CDH18: variants seen among roughly 807,000 people sequenced by gnomAD.
CDH18 encodes cadherin 18.
A neutral mutation model predicts 67.9 loss-of-function variants in CDH18; 31 were observed. The observed-to-expected ratio is 0.46, with a 90% confidence interval of 0.34 to 0.62. The LOEUF (loss-of-function observed/expected upper bound fraction) is 0.62. CDH18 is among the 20% of genes least tolerant of loss of function. The pLI, the probability that CDH18 is intolerant of heterozygous loss-of-function variation, is 0.01. For missense variants in CDH18, 890 were observed against 975.5 expected (o/e 0.91, Z 1.17); for synonymous variants, 362 against 347.2 (o/e 1.04, Z -0.48).
intron 2 of CDH18, among the ~76,000 whole-genome samples, chr5:19,914,760 CTATTTACCA>C (rs756035830): frequency 7.2e-5 from 11 of 151,978 alleles, no homozygotes; most frequent in Non-Finnish European, 1.3e-4. Flanking sequence ...GAATCAATCA[CTATTTACCA>C]AAGGAAACAA....
At chr5:19,796,160 A>C (rs1776829647) in intron 3 of CDH18, among the ~76,000 whole-genome samples, 1 of 152,130 alleles carries the variant, frequency 6.6e-6, no homozygotes, top group Admixed American at 6.6e-5. Context: ...AATTTTAAAG[A>C]TATAATGACT....
intron 2 of CDH18, among the ~76,000 whole-genome samples, chr5:19,922,559 T>C (rs1208135417): frequency 1.3e-5 from 2 of 152,196 alleles, no homozygotes; most frequent in Admixed American, 6.5e-5. Context: ...CCAAACCTCC[T>C]TTCTCTATCT....
chr5:19,582,862 G>A (rs1005214873), intron 7 of CDH18, among the ~76,000 whole-genome samples: 3 of 150,914 alleles, frequency 2.0e-5, no homozygotes, highest in African/African-American at 7.3e-5. Context: ...GCAAGTCAAA[G>A]GAATGACAAT....
At chr5:20,095,074 A>T (rs2150566351) in intron 2 of CDH18, among the ~76,000 whole-genome samples, 1 of 152,024 alleles carries the variant, frequency 6.6e-6, no homozygotes, top group East Asian at 2.0e-4. Flanking sequence ...CAAACACCAC[A>T]TGTTCTCACT....
intron 12 of CDH18, among the ~76,000 whole-genome samples, chr5:19,479,454 C>T (rs1416723891): frequency 6.6e-6 from 1 of 152,098 alleles, no homozygotes; most frequent in Non-Finnish European, 1.5e-5. Context: ...TCCTGTATCC[C>T]TTGGCTAGAT....
intron 1 of CDH18, among the ~76,000 whole-genome samples, chr5:20,368,011 T>G (rs537957446): frequency 6.6e-6 from 1 of 152,282 alleles, no homozygotes; most frequent in East Asian, 1.9e-4. Context: ...AGGTACTTTT[T>G]ATATTGGTCC....
intron 2 of CDH18, among the ~76,000 whole-genome samples, chr5:20,230,551 A>C (rs536202650): frequency 6.6e-6 from 1 of 152,282 alleles, no homozygotes; most frequent in South Asian, 2.1e-4. Context: ...GACCATCTTG[A>C]TAACTCAGTA....
chr5:19,617,769 C>T (rs1750062777), intron 5 of CDH18, among the ~76,000 whole-genome samples: 1 of 152,148 alleles, frequency 6.6e-6, no homozygotes, highest in Admixed American at 6.6e-5. Context: ...CTGCAAATTA[C>T]CTCTGACTAC....
chr5:19,822,822 A>G (rs1281376999), intron 3 of CDH18, among the ~76,000 whole-genome samples: 8 of 152,130 alleles, frequency 5.3e-5, no homozygotes, highest in African/African-American at 1.9e-4. Context: ...GAGAGGAGGC[A>G]ACTGGTCTGA....
At chr5:19,905,623 A>G (rs886166461) in intron 2 of CDH18, among the ~76,000 whole-genome samples, 1 of 152,020 alleles carries the variant, frequency 6.6e-6, no homozygotes, top group Non-Finnish European at 1.5e-5. Context: ...AAATATGATG[A>G]TAATATTATT....
intron 1 of CDH18, among the ~76,000 whole-genome samples, chr5:20,341,402 G>C (rs1189484146): frequency 6.6e-6 from 1 of 152,042 alleles, no homozygotes; most frequent in Non-Finnish European, 1.5e-5. Context: ...AAGTTCTTCA[G>C]TTTTAGGACT....
chr5:20,166,672 T>C (rs10473324), intron 2 of CDH18, among the ~76,000 whole-genome samples: 88,718 of 151,774 alleles, frequency 0.58, 25,998 homozygotes, highest in Middle Eastern at 0.7. Flanking sequence ...TTAAAAAGCT[T>C]CTTAGTAGCA....
intron 1 of CDH18, among the ~76,000 whole-genome samples, chr5:20,366,352 T>C (rs1742515693): frequency 6.6e-6 from 1 of 152,210 alleles, no homozygotes; most frequent in African/African-American, 2.4e-5. Context: ...TTGAGTCTGT[T>C]CATTTTTTCC....
chr5:19,811,160 AG>A (rs1561352001), intron 3 of CDH18, among the ~76,000 whole-genome samples: 1 of 12,846 alleles, frequency 7.8e-5, no homozygotes, highest in Non-Finnish European at 1.5e-4. Flanking sequence ...GAAAGAAAGA[AG>A]GAGAGAAAGA....
chr5:19,839,187 G>A lies in CDH18; in HGVS notation c.-201C>T, dbSNP rs763032415. The A allele has an allele frequency of 3.9e-5, 21 of 537,252 alleles. No individual in the cohort carries two copies. The highest frequency in any genetic ancestry group is 1.8e-4 in the East Asian group (6 of 33,536). 33.3% of individuals were successfully genotyped at this position (537,252 alleles called of 1,614,324 possible). ...CTGAACCACTTGGAAAATCAAAGCCGTAGTTGTCTGATTCCAACTCTTCAC... is the reference window on the plus strand; with the variant it reads ...CTGAACCACTTGGAAAATCAAAGCCATAGTTGTCTGATTCCAACTCTTCAC... On this transcript the variant is annotated 5_prime_UTR_variant, in exon 3 of 13. In the 5' UTR this introduces an upstream ATG that the reference lacks. Transcript: ENST00000382275.
intron 5 of CDH18, among the ~76,000 whole-genome samples, chr5:19,709,007 A>AATAT (rs1334584657): frequency 2.3e-5 from 1 of 44,158 alleles, no homozygotes; most frequent in Admixed American, 2.5e-4. Flanking sequence ...GACTCTGTTA[A>AATAT]ATAAATAAAT....
intron 2 of CDH18, among the ~76,000 whole-genome samples, chr5:20,252,935 CAA>C (rs547191116): frequency 7.5e-6 from 1 of 132,514 alleles, no homozygotes. Flanking sequence ...GACTCCACCT[CAA>C]AAAAAAAAAA....
chr5:19,841,453 T>G (rs974665758), intron 2 of CDH18, among the ~76,000 whole-genome samples: 19 of 152,102 alleles, frequency 1.2e-4, no homozygotes, highest in African/African-American at 4.6e-4. Flanking sequence ...TTATTAAAAT[T>G]TGTGACTGGA....
chr5:19,965,739 G>A (rs995522581), intron 2 of CDH18, among the ~76,000 whole-genome samples: 3 of 151,732 alleles, frequency 2.0e-5, no homozygotes, highest in Non-Finnish European at 4.4e-5. Context: ...GGAAGAGAGA[G>A]GCAGGTAGAA....
Sources: allele counts gnomAD v4.1 joint callset (sites outside exome capture counted in the v4.1 genomes callset), GRCh38; gene constraint gnomAD v4.1.1; transcripts MANE v1.5; gene names NCBI Gene and HGNC (gene_info 2026-07-23, HGNC 2026-07-21).